The following HTT variants were observed in gnomAD, a reference collection of about 807,000 sequenced individuals.
HTT encodes huntington disease protein.
A neutral mutation model predicts 362.3 loss-of-function variants in HTT; 104 were observed. The ratio of observed to expected loss-of-function variants is 0.29; its 90% CI spans 0.24 to 0.34. The LOEUF (loss-of-function observed/expected upper bound fraction) is 0.34, where lower values mean the gene tolerates loss of function less well. HTT is among the 10% of genes least tolerant of loss of function. The pLI is 1.00. For missense variants in HTT, 3,301 were observed against 3,928.6 expected (o/e 0.84, Z 4.27); for synonymous variants, 1,577 against 1,548.7 (o/e 1.02, Z -0.43).
intron 3 of HTT, among the ~76,000 whole-genome samples, chr4:3,103,512 C>T (rs1013343254): frequency 4.6e-5 from 7 of 152,100 alleles, no homozygotes; most frequent in African/African-American, 1.7e-4. Context: ...AGGCATGAGC[C>T]ACCCCACCTG....
At chr4:3,121,689 C>A in intron 9 of HTT, 1 of 163,630 alleles carries the variant, frequency 6.1e-6, no homozygotes, top group Non-Finnish European at 1.2e-5. Flanking sequence ...GAGACCCTGT[C>A]TCTACAAAAA....
chr4:3,230,359 C>T lies in HTT; in HGVS notation c.8265+317C>T, dbSNP rs118188229. 7.9e-5 allele frequency among the ~76,000 whole-genome samples: 12 copies of T among 152,240 alleles called. No homozygotes were observed. The East Asian group carries it at 1.5e-3, about 20-fold the overall frequency. On this transcript the variant is annotated intron_variant, in intron 60 of 66. Coordinates refer to ENST00000355072, the MANE Select transcript of HTT (RefSeq NM_001388492.1). ...ACGGTGTGTGGTGGCGCTGAGGCAT[C>T]GTAGATGGTGGAAATGCTACTGGCT...
At chr4:3,231,263 C>T (rs1721234419) in intron 60 of HTT, among the ~76,000 whole-genome samples, 1 of 152,242 alleles carries the variant, frequency 6.6e-6, no homozygotes, top group South Asian at 2.1e-4. Flanking sequence ...TGGTGCCCAT[C>T]AGGGCCTGCC....
At chr4:3,080,441 A>G (rs1378813376) in intron 1 of HTT, among the ~76,000 whole-genome samples, 2 of 152,004 alleles carry the variant, frequency 1.3e-5, no homozygotes, top group East Asian at 1.9e-4. Context: ...CCTTGTTCTC[A>G]TTTTTTCCCT....
At chr4:3,138,198 C>A (rs1259986060) in intron 21 of HTT, among the ~76,000 whole-genome samples, 1 of 150,120 alleles carries the variant, frequency 6.7e-6, no homozygotes, top group Non-Finnish European at 1.5e-5. Flanking sequence ...TGCCTGCCTG[C>A]CTTCCTTCCT....
intron 2 of HTT, among the ~76,000 whole-genome samples, chr4:3,088,036 G>GATGGGGCTTCTCC (rs113933019): frequency 0.033 from 4,991 of 152,066 alleles, 122 homozygotes; most frequent in African/African-American, 0.052. Context: ...TTTTAGTAGA[G>GATGGGGCTTCTCC]ATGTTGGTCA....
intron 7 of HTT, among the ~76,000 whole-genome samples, 177 bp downstream of exon 7, chr4:3,115,622 A>T (rs538069592): frequency 6.6e-6 from 1 of 152,318 alleles, no homozygotes; most frequent in Admixed American, 6.5e-5. Context: ...GACCCTGCAG[A>T]TGCAGCCGTG....
At position 3,140,648 on chromosome 4, in the gene HTT, A is replaced by G; in HGVS notation, c.2937A>G (p.Thr979=). 6.2e-7 allele frequency: 1 copy of G among 1,614,042 alleles called. No individual in the cohort carries two copies. Among genetic ancestry groups the G allele is most frequent in the Non-Finnish European group, 8.5e-7 (1 of 1,179,924 alleles). ...TQPPSHFSVS[T]ITRIYRGYNL... Reference sequence around the variant, plus strand: ...CTCCATCTCATTTCTCCGTCAGCACAATAACCAGGTATGCTGACCCAGTGG... The same window carrying G: ...CTCCATCTCATTTCTCCGTCAGCACGATAACCAGGTATGCTGACCCAGTGG... Residue 979 remains threonine, a synonymous_variant, in exon 22 of 67, where the codon ACA becomes ACG. Transcript: ENST00000355072.
chr4:3,175,248 C>A, intron 33 of HTT, 141 bp downstream of exon 33: 1 of 802,884 alleles, frequency 1.2e-6, no homozygotes, highest in Non-Finnish European at 1.9e-6. Flanking sequence ...TTTTCATGCA[C>A]CTAGCTGGTG....
intron 2 of HTT, among the ~76,000 whole-genome samples, chr4:3,087,643 A>C (rs957479695): frequency 6.6e-6 from 1 of 152,234 alleles, no homozygotes; most frequent in Non-Finnish European, 1.5e-5. Context: ...CCAATGGCTC[A>C]GTAGGAGACA....
At chr4:3,143,975 A>G (rs924980320) in intron 23 of HTT, among the ~76,000 whole-genome samples, 3 of 152,212 alleles carry the variant, frequency 2.0e-5, no homozygotes, top group Non-Finnish European at 4.4e-5. Flanking sequence ...TCCAAGAATA[A>G]TTAAATTATG....
Position 3,242,916 on chromosome 4 carries a change from C to T in HTT, c.*2857C>T, listed in dbSNP as rs1395216085. 1 of 152,182 alleles carries T rather than the reference C, an allele frequency of 6.6e-6. No individual in the cohort carries two copies. The highest frequency in any genetic ancestry group is 1.5e-5 in the Non-Finnish European group (1 of 68,042). 9.4% of individuals were successfully genotyped at this position (152,182 alleles called of 1,614,324 possible). On this transcript the variant is annotated 3_prime_UTR_variant, in exon 67 of 67. Transcript: ENST00000355072. The stretch of plus-strand genomic sequence containing the variant: ...GTGATGTTTCCAGCTGCCAAGTGCT[C>T]TTTGTTACTGTCCACCCTCATTTCT...
rs1309671081 is a variant in HTT at position 3,238,811 on chromosome 4, C to T, written c.9055-7C>T. ...CTGACACTCAGGCACCTGCTTGCTC[C>T]TTGCAGGTGTTTCAGACTCTGCACA... On this transcript the variant is annotated splice_polypyrimidine_tract_variant and splice_region_variant and intron_variant, in intron 65 of 66. Coordinates refer to ENST00000355072, the MANE Select transcript of HTT (RefSeq NM_001388492.1). 1.9e-6 allele frequency: 3 copies of T among 1,595,036 alleles called. No homozygotes were observed. Among genetic ancestry groups the T allele is most frequent in the East Asian group, 2.3e-5 (1 of 44,420 alleles).
intron 51 of HTT, 136 bp from the exon 52 acceptor site, chr4:3,217,629 G>A: frequency 1.5e-6 from 1 of 677,204 alleles, no homozygotes; most frequent in Non-Finnish European, 2.5e-6. Flanking sequence ...GAATCTGCAG[G>A]CCTTCAGTGG....
In HTT at chr4:3,209,909, G is replaced by A. The variant is rs764790738; in HGVS notation, c.6374G>A (p.Arg2125Gln). The A allele has an allele frequency of 1.4e-5, 22 of 1,613,982 alleles. No homozygotes were observed. The highest frequency in any genetic ancestry group is 4.4e-5 in the South Asian group (4 of 91,060). The part of the protein sequence containing the change: ...ALLEGAELVN[R>Q]IPAEDMNAFM... ...CTGGAAGGTGCAGAGCTGGTGAATC[G>A]GATTCCTGCTGAAGATATGAATGCC... Residue 2125 changes from arginine (R) to glutamine (Q), a missense_variant, in exon 47 of 67, where the codon CGG (arginine) becomes CAG (glutamine). Physicochemically the swap from Arg to Gln is conservative, Grantham distance 43. Coordinates refer to ENST00000355072, the MANE Select transcript of HTT (RefSeq NM_001388492.1).
In HTT at chr4:3,136,307, G is replaced by A; in HGVS notation, c.2779G>A (p.Ala927Thr). The stretch of plus-strand genomic sequence containing the variant: ...TGAAGACCCCAGGGTGCGACATGTT[G>A]CCGCAGCATCACTAATTAGGTATTT... ...GDEDPRVRHV[A>T]AASLIRLVPK... Residue 927 changes from alanine (A) to threonine (T), a missense_variant, in exon 21 of 67, where the codon GCC becomes ACC. Transcript: ENST00000355072. 1 of 1,596,540 alleles carries A rather than the reference G, an allele frequency of 6.3e-7. No homozygotes were observed. The highest frequency in any genetic ancestry group is 1.1e-5 in the South Asian group (1 of 90,458).
chr4:3,143,258 G>A (rs1011809625), intron 23 of HTT, among the ~76,000 whole-genome samples: 3 of 151,912 alleles, frequency 2.0e-5, no homozygotes, highest in African/African-American at 7.3e-5. Flanking sequence ...CCAACGTGGT[G>A]AAACCCCATC....
At chr4:3,126,825 G>C (rs1158125157) in intron 11 of HTT, among the ~76,000 whole-genome samples, 3 of 152,186 alleles carry the variant, frequency 2.0e-5, no homozygotes, top group Admixed American at 6.5e-5. Context: ...ATGTGGCTTG[G>C]AAGAAGGCAA....
intron 22 of HTT, 133 bp from the exon 23 acceptor site, chr4:3,142,633 C>T: frequency 4.0e-6 from 2 of 500,322 alleles, no homozygotes; most frequent in Non-Finnish European, 7.2e-6. Flanking sequence ...AATTTATTTT[C>T]AGCCCGTTTC....
Sources: gnomAD v4.1 joint callset for allele counts (sites outside exome capture counted in the v4.1 genomes callset) on GRCh38, gnomAD v4.1.1 for gene constraint, MANE v1.5 for transcripts, NCBI Gene and HGNC (gene_info 2026-07-23, HGNC 2026-07-21) for gene names.